ME3: variants seen among roughly 807,000 people sequenced by gnomAD.
The protein encoded by ME3 is malic enzyme 3.
ME3 carries 48 observed loss-of-function variants against 68.9 expected under a neutral mutation model. The ratio of observed to expected loss-of-function variants is 0.70; its 90% confidence interval spans 0.55 to 0.89. The LOEUF is 0.89. Ranked by LOEUF, ME3 falls within the 40% of genes least tolerant of loss-of-function variation. ME3 has a pLI of 0.00. For missense variants in ME3, 675 were observed against 797.4 expected, an observed-to-expected ratio of 0.85 and a Z score of 1.85; for synonymous variants, 320 against 318.8, an observed-to-expected ratio of 1.00 and a Z score of -0.04.
chr11:86,534,929 A>G (rs1263377246), intron 4 of ME3, among the ~76,000 whole-genome samples: 4 of 141,444 alleles, frequency 2.8e-5, no homozygotes, highest in Non-Finnish European at 6.3e-5. Flanking sequence ...TTTAAAATGG[A>G]GAGTTTGGGC....
intron 2 of ME3, among the ~76,000 whole-genome samples, chr11:86,662,434 A>C (rs1946343469): frequency 6.6e-6 from 1 of 151,280 alleles, no homozygotes; most frequent in African/African-American, 2.5e-5. Context: ...ACAGAAAATT[A>C]ATTTTTTTTT....
intron 2 of ME3, among the ~76,000 whole-genome samples, chr11:86,561,064 G>A (rs1194674779): frequency 1.3e-5 from 2 of 151,914 alleles, no homozygotes; most frequent in African/African-American, 2.4e-5. Flanking sequence ...CTGTTGATAC[G>A]GACCTTGATC....
intron 4 of ME3, among the ~76,000 whole-genome samples, chr11:86,509,447 G>A (rs1200753906): frequency 6.6e-6 from 1 of 151,884 alleles, no homozygotes; most frequent in South Asian, 2.1e-4. Flanking sequence ...CGAAGGCAAT[G>A]GGGTTTGGTC....
exon 4 of ME3, chr11:86,556,571 A>C (rs1440346861): frequency 6.2e-7 from 1 of 1,613,946 alleles, no homozygotes; most frequent in Admixed American, 1.7e-5. Flanking sequence ...GCGGAAAGTC[A>C]GGCCATAGTG....
intron 2 of ME3, among the ~76,000 whole-genome samples, chr11:86,599,646 T>C (rs1481051912): frequency 7.9e-5 from 12 of 152,076 alleles, no homozygotes; most frequent in East Asian, 3.8e-4. Flanking sequence ...AGACACATGA[T>C]TGTCAGATTC....
At chr11:86,578,476 C>T (rs1046656536) in intron 2 of ME3, among the ~76,000 whole-genome samples, 5 of 152,004 alleles carry the variant, frequency 3.3e-5, no homozygotes, top group East Asian at 1.9e-4. Context: ...CTGGTGCGTG[C>T]GAATAAGTGG....
chr11:86,576,701 A>T (rs2156532), intron 2 of ME3, among the ~76,000 whole-genome samples: 21,490 of 151,796 alleles, frequency 0.14, 1,690 homozygotes, highest in Middle Eastern at 0.22. Context: ...ATGTGGGCCC[A>T]GCCTGAAGTC....
intron 7 of ME3, among the ~76,000 whole-genome samples, chr11:86,479,011 G>A (rs920049173): frequency 6.6e-6 from 1 of 152,268 alleles, no homozygotes; most frequent in East Asian, 1.9e-4. Flanking sequence ...TTATTTCTGG[G>A]TATGTTTGTG....
chr11:86,559,655 G>A lies in ME3; in HGVS notation c.317+35C>T, dbSNP rs145092535. The stretch of plus-strand genomic sequence containing the variant: ...ACAGGAAACAGACAGCTCAGCCCAA[G>A]GACCAGACAGAGAGAACAGACACTA... On this transcript the variant is annotated intron_variant, in intron 3 of 14. Coordinates refer to ENST00000543262, the Ensembl canonical transcript of ME3. 149 of 1,590,930 alleles carry A rather than the reference G, an allele frequency of 9.4e-5. No individual in the cohort carries two copies. In the African/African-American group the frequency reaches 1.8e-3, roughly 19 times the overall value.
chr11:86,540,366 A>G (rs1955963027), intron 4 of ME3, among the ~76,000 whole-genome samples: 1 of 152,102 alleles, frequency 6.6e-6, no homozygotes, highest in South Asian at 2.1e-4. Context: ...ATTCTCTCTT[A>G]CATGTTAGCC....
intron 2 of ME3, among the ~76,000 whole-genome samples, chr11:86,627,760 A>T (rs1329697637): frequency 6.6e-6 from 1 of 152,304 alleles, no homozygotes; most frequent in South Asian, 2.1e-4. Flanking sequence ...AGCAGATTTA[A>T]TGTCCAGCAG....
intron 4 of ME3, among the ~76,000 whole-genome samples, chr11:86,539,778 G>A (rs1955921541): frequency 6.6e-6 from 1 of 152,084 alleles, no homozygotes; most frequent in Admixed American, 6.5e-5. Flanking sequence ...CTTTTCATAT[G>A]TCCCCATCAG....
intron 2 of ME3, among the ~76,000 whole-genome samples, chr11:86,617,500 CCTAAAGGTAG>C (rs1943056455): frequency 6.6e-6 from 1 of 151,852 alleles, no homozygotes; most frequent in South Asian, 2.1e-4. Context: ...TAGGTCATTT[CCTAAAGGTAG>C]GTGTACTGAG....
rs538487278 is a variant in ME3, at chr11:86,467,790, T to C, written c.810-2590A>G. On this transcript the variant is annotated intron_variant, in intron 7 of 14. Coordinates refer to ENST00000543262, the Ensembl canonical transcript of ME3. ...TATAAATAAATACCTTTGTTCAGTG[T>C]ATGATTATTATTTATATTTAATTCA... Among the ~76,000 whole-genome samples, 43 of 152,218 alleles carry C rather than the reference T, an allele frequency of 2.8e-4. No homozygotes were observed. The South Asian group carries it at 8.9e-3, about 32-fold the overall frequency.
chr11:86,465,884 G>A (rs984660880), intron 7 of ME3, among the ~76,000 whole-genome samples: 1 of 152,152 alleles, frequency 6.6e-6, no homozygotes, highest in Non-Finnish European at 1.5e-5. Flanking sequence ...AGTCTCACTC[G>A]GAGTGTGGGA....
intron 2 of ME3, among the ~76,000 whole-genome samples, chr11:86,639,159 A>G (rs1333001725): frequency 6.6e-6 from 1 of 152,242 alleles, no homozygotes; most frequent in South Asian, 2.1e-4. Flanking sequence ...GGTTCCCCAC[A>G]AAAGTTTGCT....
At chr11:86,487,825 T>C (rs1951785678) in intron 6 of ME3, among the ~76,000 whole-genome samples, 1 of 152,228 alleles carries the variant, frequency 6.6e-6, no homozygotes, top group Non-Finnish European at 1.5e-5. Context: ...AGGATATTTA[T>C]CAGCATCTCT....
Position 86,487,326 on chromosome 11 carries a change from G to C in ME3, c.809+11C>G, listed in dbSNP as rs1249402784. ...AGTCCTCTTTCAAAAGGGACAGACT[G>C]GTCCACTTACTTGTCTGTCACAGCC... On this transcript the variant is annotated intron_variant, in intron 7 of 14. Coordinates refer to ENST00000543262, the Ensembl canonical transcript of ME3. 1.2e-6 allele frequency: 2 copies of C among 1,604,414 alleles called. No homozygotes were observed. The highest frequency in any genetic ancestry group is 2.7e-5 in the African/African-American group (2 of 74,738).
At chr11:86,442,625 C>G (rs1273407551) in intron 14 of ME3, among the ~76,000 whole-genome samples, 196 bp downstream of exon 14, 2 of 152,060 alleles carry the variant, frequency 1.3e-5, no homozygotes, top group Non-Finnish European at 2.9e-5. Flanking sequence ...TTTCCCAGAA[C>G]TGGCCTGGGT....
Sources: allele counts gnomAD v4.1 joint callset (sites outside exome capture counted in the v4.1 genomes callset), GRCh38; gene constraint gnomAD v4.1.1; transcripts MANE v1.5; gene names NCBI Gene and HGNC (gene_info 2026-07-23, HGNC 2026-07-21).